The following PPP1R9A variants were observed in gnomAD, a reference collection of about 807,000 sequenced individuals.
PPP1R9A encodes neurabin-1.
PPP1R9A carries 59 observed loss-of-function variants against 141.9 expected under a neutral mutation model. The ratio of observed to expected loss-of-function variants is 0.42; its 90% CI spans 0.34 to 0.52. The LOEUF is 0.52. Among genes scored for constraint, PPP1R9A ranks in the 20% least tolerant of loss-of-function variants. PPP1R9A has a pLI of 0.10. For missense variants in PPP1R9A, 1,444 were observed against 1,611.9 expected, an observed-to-expected ratio of 0.90 and a Z score of 1.78; for synonymous variants, 500 against 569.7, an observed-to-expected ratio of 0.88 and a Z score of 1.74.
intron 2 of PPP1R9A, among the ~76,000 whole-genome samples, chr7:95,070,625 A>ATATG (rs1813685628): frequency 1.1e-5 from 1 of 87,162 alleles, no homozygotes; most frequent in African/African-American, 3.3e-5. Context: ...ACACACACAC[A>ATATG]TATATATAAG....
intron 12 of PPP1R9A, among the ~76,000 whole-genome samples, chr7:95,255,474 G>A (rs1799443818): frequency 2.6e-5 from 4 of 152,136 alleles, no homozygotes; most frequent in Admixed American, 6.6e-5. Context: ...GAGATCAGGA[G>A]TAAGTGTGAT....
intron 5 of PPP1R9A, among the ~76,000 whole-genome samples, chr7:95,175,951 ACAGGAGG>A (rs1832839200): frequency 3.3e-5 from 5 of 152,112 alleles, no homozygotes. Context: ...ATCATGGCCG[ACAGGAGG>A]CAGGACTAGA....
chr7:95,181,849 A>G (rs1362915904), intron 5 of PPP1R9A, among the ~76,000 whole-genome samples: 4 of 149,182 alleles, frequency 2.7e-5, no homozygotes, highest in East Asian at 1.9e-4. Flanking sequence ...CTACTCAACC[A>G]TATAAAGGAA....
intron 2 of PPP1R9A, among the ~76,000 whole-genome samples, chr7:95,001,102 A>G (rs1471664664): frequency 6.6e-6 from 1 of 152,162 alleles, no homozygotes; most frequent in African/African-American, 2.4e-5. Flanking sequence ...TTGATGTTTT[A>G]TAGTTAAGAA....
At chr7:95,088,447 T>C (rs546505672) in intron 2 of PPP1R9A, among the ~76,000 whole-genome samples, 35 of 152,044 alleles carry the variant, frequency 2.3e-4, no homozygotes, top group African/African-American at 8.5e-4. Context: ...TTCATGGCAC[T>C]GGGAAAACCA....
rs1200369337 is a variant in PPP1R9A, at chr7:95,293,503, A to G, written c.*3200A>G. ...TTAACCCACAGCAGTTCATGATTGC[A>G]GTATGATAGGTACTAAAGCCAAACT... On this transcript the variant is annotated 3_prime_UTR_variant, in exon 20 of 20. Transcript: ENST00000433360. The G allele has an allele frequency of 1.3e-5, 2 of 152,172 alleles. No individual in the cohort carries two copies. Among genetic ancestry groups the G allele is most frequent in the Non-Finnish European group, 2.9e-5 (2 of 68,038 alleles). The allele number at this position is 152,172 out of a possible 1,614,324, so 9.4% of individuals were successfully genotyped here.
intron 9 of PPP1R9A, among the ~76,000 whole-genome samples, chr7:95,247,885 T>G (rs945233353): frequency 7.2e-5 from 11 of 152,168 alleles, no homozygotes; most frequent in Non-Finnish European, 1.5e-4. Context: ...TTATTATAAA[T>G]AGATTTAATC....
chr7:94,989,553 A>ACT (rs1234280711), intron 2 of PPP1R9A, among the ~76,000 whole-genome samples: 1 of 152,064 alleles, frequency 6.6e-6, no homozygotes, highest in Non-Finnish European at 1.5e-5. Context: ...TAGAATTAGA[A>ACT]AACGTGGAAG....
At chr7:95,014,301 A>AT (rs1563121211) in intron 2 of PPP1R9A, among the ~76,000 whole-genome samples, 1 of 151,854 alleles carries the variant, frequency 6.6e-6, no homozygotes. Context: ...AGAGTTCCTT[A>AT]TTTTTTCTTC....
chr7:95,148,969 T>C (rs150974239), intron 4 of PPP1R9A, among the ~76,000 whole-genome samples: 1 of 152,012 alleles, frequency 6.6e-6, no homozygotes, highest in East Asian at 1.9e-4. Context: ...TATATCAATA[T>C]GTATATTGAT....
Position 95,269,325 on chromosome 7 carries a change from A to G in PPP1R9A, c.2942A>G (p.Asn981Ser), listed in dbSNP as rs752035902. 8 of 1,598,514 alleles carry G rather than the reference A, an allele frequency of 5.0e-6. No individual in the cohort carries two copies. Among genetic ancestry groups the G allele is most frequent in the Non-Finnish European group, 6.8e-6 (8 of 1,179,470 alleles). Residue 981 changes from asparagine (N) to serine (S), a missense_variant, in exon 14 of 20, where the codon AAT becomes AGT. Asn to Ser is a conservative substitution (Grantham distance 46). Transcript: ENST00000433360. ...CCACCCCTCACCCCGGTGGATAGCA[A>G]TGTGCCCTTCTCGTCTGACCACATA... ...GVPPLTPVDS[N>S]VPFSSDHIAE...
At chr7:95,258,778 A>C (rs1411340781) in intron 12 of PPP1R9A, among the ~76,000 whole-genome samples, 3 of 152,170 alleles carry the variant, frequency 2.0e-5, no homozygotes, top group Non-Finnish European at 4.4e-5. Context: ...CAAAAATCAA[A>C]CAATTGGCAA....
At chr7:94,936,921 A>T (rs1378661321) in intron 2 of PPP1R9A, among the ~76,000 whole-genome samples, 2 of 152,062 alleles carry the variant, frequency 1.3e-5, no homozygotes, top group African/African-American at 4.8e-5. Flanking sequence ...GAATAAATTT[A>T]TACATATTAA....
chr7:95,079,440 A>G (rs1815419032), intron 2 of PPP1R9A, among the ~76,000 whole-genome samples: 1 of 152,088 alleles, frequency 6.6e-6, no homozygotes, highest in South Asian at 2.1e-4. Context: ...AATTGTGGCA[A>G]TAATCAATAG....
chr7:94,923,341 A>T (rs1330771180), intron 2 of PPP1R9A, among the ~76,000 whole-genome samples: 1 of 152,222 alleles, frequency 6.6e-6, no homozygotes, highest in East Asian at 1.9e-4. Flanking sequence ...AATAATAAAC[A>T]TGTACTTAAA....
At chr7:95,251,093 A>T (rs1225000422) in intron 10 of PPP1R9A, among the ~76,000 whole-genome samples, 3 of 152,202 alleles carry the variant, frequency 2.0e-5, no homozygotes, top group Non-Finnish European at 4.4e-5. Context: ...GAGTTTTGCT[A>T]TCAAAAGTTT....
Position 94,947,264 on chromosome 7 carries a change from C to T in PPP1R9A, c.1395+35756C>T, listed in dbSNP as rs559123279. Among the ~76,000 whole-genome samples the T allele has an allele frequency of 3.9e-5, 6 of 152,248 alleles. No homozygotes were observed. In the South Asian group the frequency reaches 1.2e-3, roughly 32 times the overall value. On this transcript the variant is annotated intron_variant, in intron 2 of 19. Coordinates refer to ENST00000433360, the MANE Select transcript of PPP1R9A (RefSeq NM_001166160.2). Reference sequence around the variant, plus strand: ...TGCCTGACCATCAGTGCTGGACACTCCTTTATCAAGCTCCAGAATTGCTGC... The same window carrying T: ...TGCCTGACCATCAGTGCTGGACACTTCTTTATCAAGCTCCAGAATTGCTGC...
At chr7:95,045,197 G>A (rs946518180) in intron 2 of PPP1R9A, among the ~76,000 whole-genome samples, 1 of 152,080 alleles carries the variant, frequency 6.6e-6, no homozygotes, top group South Asian at 2.1e-4. Context: ...TCGACCGAGG[G>A]GCATGCAGTG....
chr7:95,022,692 G>A (rs543439974), intron 2 of PPP1R9A, among the ~76,000 whole-genome samples: 2 of 152,168 alleles, frequency 1.3e-5, no homozygotes, highest in East Asian at 3.9e-4. Context: ...GCATGAAGGG[G>A]TGTTGAATTT....
Sources: gnomAD v4.1 joint callset for allele counts (sites outside exome capture counted in the v4.1 genomes callset) on GRCh38, gnomAD v4.1.1 for gene constraint, MANE v1.5 for transcripts, NCBI Gene and HGNC (gene_info 2026-07-23, HGNC 2026-07-21) for gene names.